The following HNF4G variants were observed in gnomAD, a reference collection of about 807,000 sequenced individuals.
HNF4G encodes the protein hepatocyte nuclear factor 4-gamma.
Under a neutral mutation model 50.9 loss-of-function variants are expected in HNF4G, and 21 were observed. The ratio of observed to expected loss-of-function variants is 0.41; its 90% confidence interval spans 0.29 to 0.59. The LOEUF (loss-of-function observed/expected upper bound fraction) is 0.59, where lower values mean the gene tolerates loss of function less well. Ranked by LOEUF, HNF4G falls within the 20% of genes least tolerant of loss-of-function variation. The pLI is 0.26. For missense variants in HNF4G, 527 were observed against 559.4 expected (o/e 0.94, Z 0.58); for synonymous variants, 198 against 185.6 (o/e 1.07, Z -0.54).
chr8:75,476,200 TTTTCTG>T (rs1423440834), intron 1 of HNF4G, among the ~76,000 whole-genome samples: 1 of 152,204 alleles, frequency 6.6e-6, no homozygotes, highest in African/African-American at 2.4e-5. Context: ...TGGTATTTGA[TTTTCTG>T]TTTCTAAGTT....
chr8:75,531,145 G>C (rs2943586), intron 2 of HNF4G, among the ~76,000 whole-genome samples: 100,273 of 151,882 alleles, frequency 0.66, 34,976 homozygotes, highest in African/African-American at 0.9. Context: ...AACCCTTTGA[G>C]ATAGAAATTC....
intron 1 of HNF4G, among the ~76,000 whole-genome samples, chr8:75,472,151 T>G (rs2130635051): frequency 6.6e-6 from 1 of 152,298 alleles, no homozygotes; most frequent in East Asian, 1.9e-4. Context: ...CTTTCCCACC[T>G]CCTGTCTTTC....
At chr8:75,537,597 G>A (rs765962792), upstream of HNF4G, among the ~76,000 whole-genome samples, 1 of 152,000 alleles carries the variant, frequency 6.6e-6, no homozygotes, top group Non-Finnish European at 1.5e-5. Context: ...TACTGTGGAA[G>A]TAGATAAAAG....
At chr8:75,461,883 T>A (rs1018081408) in intron 1 of HNF4G, among the ~76,000 whole-genome samples, 48 of 129,190 alleles carry the variant, frequency 3.7e-4, no homozygotes, top group Non-Finnish European at 6.3e-4. Context: ...TAAAAAAAAA[T>A]AAATATATAA....
At chr8:75,561,269 C>T in intron 9 of HNF4G, among the ~76,000 whole-genome samples, 1 of 152,172 alleles carries the variant, frequency 6.6e-6, no homozygotes. Context: ...TTTTCCTTCG[C>T]TGGGTTCTTG....
intron 1 of HNF4G, among the ~76,000 whole-genome samples, chr8:75,438,159 C>T (rs956108815): frequency 1.3e-5 from 2 of 152,060 alleles, no homozygotes; most frequent in Non-Finnish European, 2.9e-5. Flanking sequence ...CAGGTATGTA[C>T]ATGTAATGAT....
intron 1 of HNF4G, among the ~76,000 whole-genome samples, chr8:75,469,516 G>T (rs1035662829): frequency 6.6e-6 from 1 of 152,070 alleles, no homozygotes; most frequent in Non-Finnish European, 1.5e-5. Context: ...AATTAAAAAG[G>T]TTACTACTCA....
At chr8:75,468,357 C>A (rs2130625530) in intron 1 of HNF4G, among the ~76,000 whole-genome samples, 1 of 152,252 alleles carries the variant, frequency 6.6e-6, no homozygotes, top group African/African-American at 2.4e-5. Context: ...GCTTAGTCTG[C>A]ATCTCCCACT....
intron 1 of HNF4G, among the ~76,000 whole-genome samples, chr8:75,478,970 C>T (rs544375948): frequency 6.6e-6 from 1 of 152,298 alleles, no homozygotes; most frequent in South Asian, 2.1e-4. Flanking sequence ...GATCTGCCCG[C>T]CTCGGCCTCC....
At chr8:75,518,276 G>T (rs989133271) in intron 2 of HNF4G, among the ~76,000 whole-genome samples, 1 of 151,582 alleles carries the variant, frequency 6.6e-6, no homozygotes, top group African/African-American at 2.4e-5. Flanking sequence ...TGCTGAGAAT[G>T]ATGGTTTCCA....
chr8:75,557,422 C>G (rs1807163423), intron 6 of HNF4G, among the ~76,000 whole-genome samples: 1 of 152,138 alleles, frequency 6.6e-6, no homozygotes, highest in Non-Finnish European at 1.5e-5. Flanking sequence ...GAGTTCGAGA[C>G]CAGCCTGGCC....
chr8:75,459,739 T>A (rs1201670501), intron 1 of HNF4G, among the ~76,000 whole-genome samples: 1 of 152,188 alleles, frequency 6.6e-6, no homozygotes, highest in East Asian at 1.9e-4. Flanking sequence ...TCCATTGATG[T>A]GATTCAGACC....
intron 9 of HNF4G, among the ~76,000 whole-genome samples, chr8:75,563,049 G>A (rs892625448): frequency 6.6e-6 from 1 of 152,088 alleles, no homozygotes; most frequent in Non-Finnish European, 1.5e-5. Flanking sequence ...CAGGTAAAAG[G>A]AGACTGTTCT....
chr8:75,479,920 CCAAAAATAG>C (rs1311869359), intron 1 of HNF4G, among the ~76,000 whole-genome samples: 24 of 151,370 alleles, frequency 1.6e-4, no homozygotes, highest in African/African-American at 5.1e-4. Flanking sequence ...TACCATATTA[CCAAAAATAG>C]CAAAAACATA....
chr8:75,448,143 T>C (rs1247173383), intron 1 of HNF4G, among the ~76,000 whole-genome samples: 2 of 124,904 alleles, frequency 1.6e-5, no homozygotes, highest in Non-Finnish European at 3.3e-5. Flanking sequence ...GGGACATGGA[T>C]GAAATTGGAA....
chr8:75,519,775 A>C (rs1805990927), intron 2 of HNF4G, among the ~76,000 whole-genome samples: 1 of 151,884 alleles, frequency 6.6e-6, no homozygotes, highest in African/African-American at 2.4e-5. Flanking sequence ...TTAAACTTTT[A>C]ATCTGTTTAC....
upstream of HNF4G, among the ~76,000 whole-genome samples, chr8:75,536,610 C>T (rs918273531): frequency 1.3e-5 from 2 of 151,752 alleles, no homozygotes; most frequent in Admixed American, 6.6e-5. Flanking sequence ...TAAAAAAAAC[C>T]GGTAACTGTT....
At chr8:75,563,342 G>A (rs1807368364) in intron 9 of HNF4G, among the ~76,000 whole-genome samples, 1 of 151,390 alleles carries the variant, frequency 6.6e-6, no homozygotes, top group South Asian at 2.1e-4. Flanking sequence ...TTTATATTCA[G>A]TTACTTTATA....
intron 2 of HNF4G, among the ~76,000 whole-genome samples, chr8:75,527,735 C>A (rs950118280): frequency 1.3e-5 from 2 of 152,028 alleles, no homozygotes; most frequent in Admixed American, 6.6e-5. Flanking sequence ...TGTTTTGATA[C>A]CATAAACAAG....
Sources: gnomAD v4.1 joint callset for allele counts (sites outside exome capture counted in the v4.1 genomes callset) on GRCh38, gnomAD v4.1.1 for gene constraint, MANE v1.5 for transcripts, NCBI Gene and HGNC (gene_info 2026-07-23, HGNC 2026-07-21) for gene names.